PKD1L3: variants seen among roughly 807,000 people sequenced by gnomAD.
PKD1L3 encodes the protein polycystin 1 like 3, transient receptor potential channel interacting.
In PKD1L3, 239 loss-of-function variants were observed where a neutral mutation model predicts 184.1. The ratio of observed to expected loss-of-function variants is 1.30; its 90% CI spans 1.17 to 1.45. The LOEUF is 1.45. Among genes scored for constraint, PKD1L3 ranks in the 40% most tolerant of loss-of-function variants. The probability of loss-of-function intolerance (pLI) is 0.00; values close to 1 mark genes in which losing one functional copy is unlikely to be tolerated. For missense variants in PKD1L3, 2,660 were observed against 2,067.2 expected, an observed-to-expected ratio of 1.29 and a Z score of -5.56; for synonymous variants, 996 against 778.8, an observed-to-expected ratio of 1.28 and a Z score of -4.64.
intron 11 of PKD1L3, 32 bp downstream of exon 11, chr16:71,977,204 A>G: frequency 6.9e-7 from 1 of 1,447,088 alleles, no homozygotes; most frequent in East Asian, 2.5e-5. Flanking sequence ...AAAGAAATCA[A>G]AGTAAGTTTC....
intron 16 of PKD1L3, among the ~76,000 whole-genome samples, chr16:71,961,009 C>T (rs912095624): frequency 1.4e-4 from 22 of 152,136 alleles, no homozygotes; most frequent in Admixed American, 1.3e-3. Context: ...TTCCTATACA[C>T]AAGCAACACA....
chr16:71,980,212 T>C (rs1313485741), intron 7 of PKD1L3, 78 bp from the exon 8 acceptor site: 1 of 1,473,084 alleles, frequency 6.8e-7, no homozygotes, highest in South Asian at 1.3e-5. Flanking sequence ...TTGGAGAAGA[T>C]TGGAAGGGGA....
Position 71,947,349 on chromosome 16 carries a change from C to T in PKD1L3, c.3718+143G>A, listed in dbSNP as rs1193504657. 4.9e-6 allele frequency: 3 copies of T among 611,204 alleles called. No individual in the cohort carries two copies. In the Admixed American group the frequency reaches 8.1e-5, roughly 16 times the overall value. The allele number at this position is 611,204 out of a possible 1,614,324, so 37.9% of individuals were successfully genotyped here. ...AGGTGAAGATCCTCATCTGGAAGGGCATTAGTCTTGGGCAGAAAAGGAGAA... is the reference window on the plus strand; with the variant it reads ...AGGTGAAGATCCTCATCTGGAAGGGTATTAGTCTTGGGCAGAAAAGGAGAA... On this transcript the variant is annotated intron_variant, in intron 22 of 29. Transcript: ENST00000620267.
chr16:71,944,094 T>C lies in PKD1L3; in HGVS notation c.3795A>G (p.Pro1265=), dbSNP rs935084421. The C allele has an allele frequency of 1.1e-5, 17 of 1,551,880 alleles. No homozygotes were observed. In the African/African-American group the frequency reaches 1.9e-4, roughly 17 times the overall value. Residue 1265 remains proline (P), a synonymous_variant, in exon 23 of 30, where the codon CCA becomes CCG. Coordinates refer to ENST00000620267, the MANE Select transcript of PKD1L3 (RefSeq NM_181536.2). ...PVYVAPAINS[P]TKHPERTLKK... ...TCAAGGTTCTTTCTGGGTGCTTAGT[T>C]GGACTATTTATAGCTGGGGCTACAT... is the stretch of plus-strand genomic sequence containing the variant.
Position 71,935,441 on chromosome 16 carries a change from A to T in PKD1L3, c.4530T>A (p.Ile1510=). 1.3e-6 allele frequency: 2 copies of T among 1,552,068 alleles called. No individual in the cohort carries two copies. Among genetic ancestry groups the T allele is most frequent in the Non-Finnish European group, 1.7e-6 (2 of 1,147,010 alleles). Residue 1510 remains isoleucine, a synonymous_variant, in exon 26 of 30, where the codon ATT becomes ATA. Coordinates refer to ENST00000620267, the MANE Select transcript of PKD1L3 (RefSeq NM_181536.2). ...TGTCAAGCCCCAGGAGGATGAAGCT[A>T]ATGAGGATTATACTTGTGTCCAGAA... ...RNILDTSIIL[I]SFILLGLDMK...
intron 2 of PKD1L3, among the ~76,000 whole-genome samples, chr16:71,995,710 T>A (rs2040761348): frequency 6.6e-6 from 1 of 152,234 alleles, no homozygotes; most frequent in Non-Finnish European, 1.5e-5. Flanking sequence ...TACGTGTGCA[T>A]CTTTTTGTAC....
chr16:71,977,449 C>T lies in PKD1L3; in HGVS notation c.1546G>A (p.Val516Ile), dbSNP rs566554440. Reference protein sequence around the residue: ...EDIEIMLWRNVSLETHPTSLN... With the variant: ...EDIEIMLWRNISLETHPTSLN... The stretch of plus-strand genomic sequence containing the variant: ...CTGGTGGGATGGGTTTCCAAGCTAA[C>T]ATTTCTCCAGAGCATGATCTAGAAT... Residue 516 changes from valine (V) to isoleucine (I), a missense_variant, in exon 11 of 30, where the codon GTT (valine) becomes ATT (isoleucine). Physicochemically the swap from Val to Ile is conservative, Grantham distance 29 (BLOSUM62 3). Coordinates refer to ENST00000620267, the MANE Select transcript of PKD1L3 (RefSeq NM_181536.2). 3 of 1,549,386 alleles carry T rather than the reference C, an allele frequency of 1.9e-6. No homozygotes were observed. Among genetic ancestry groups the T allele is most frequent in the Admixed American group, 2.0e-5 (1 of 50,906 alleles).
intron 4 of PKD1L3, 82 bp from the exon 5 acceptor site, chr16:71,986,551 C>G: frequency 7.1e-7 from 1 of 1,413,168 alleles, no homozygotes. Context: ...CCCAAATACT[C>G]TGAAACTCTG....
At chr16:71,939,212 T>C (rs1274957365) in intron 24 of PKD1L3, among the ~76,000 whole-genome samples, 1 of 152,242 alleles carries the variant, frequency 6.6e-6, no homozygotes, top group Non-Finnish European at 1.5e-5. Flanking sequence ...CCCAACTCAC[T>C]GCAGCAGCCA....
intron 12 of PKD1L3, 21 bp from the exon 13 acceptor site, chr16:71,970,126 T>C: frequency 6.5e-7 from 1 of 1,537,966 alleles, no homozygotes; most frequent in Non-Finnish European, 8.8e-7. Context: ...AATCAAGACG[T>C]TGATTCTAGT....
chr16:71,932,100 C>A (rs1470168578), intron 28 of PKD1L3, among the ~76,000 whole-genome samples: 1 of 152,174 alleles, frequency 6.6e-6, no homozygotes, highest in Admixed American at 6.5e-5. Context: ...CAAATATTTT[C>A]ATTCTGGGAT....
In PKD1L3 at chr16:71,942,591, C is replaced by G. The variant is rs1390198474; in HGVS notation, c.4293G>C (p.Lys1431Asn). The G allele has an allele frequency of 3.2e-6, 5 of 1,551,602 alleles. No homozygotes were observed. In the South Asian group the frequency reaches 3.6e-5, roughly 11 times the overall value. Residue 1431 changes from lysine (K) to asparagine (N), a missense_variant, in exon 24 of 30, where the codon AAG (lysine) becomes AAC (asparagine). Physicochemically the swap from Lys to Asn is moderately conservative, Grantham distance 94. Transcript: ENST00000620267. ...TDELHERLTS[K>N]NENGFSYIMR... is the part of the protein sequence containing the mutation. Reference sequence around the variant, plus strand: ...TGATGTAACTGAATCCATTCTCATTCTTGCTTGTCAGCCTTTCGTGAAGCT... The same window carrying G: ...TGATGTAACTGAATCCATTCTCATTGTTGCTTGTCAGCCTTTCGTGAAGCT...
chr16:71,989,451 C>A (rs2040503839), intron 4 of PKD1L3, among the ~76,000 whole-genome samples: 1 of 152,216 alleles, frequency 6.6e-6, no homozygotes, highest in African/African-American at 2.4e-5. Flanking sequence ...CCGTGCCCAG[C>A]CTCTGTTCTT....
rs117305525 is a variant in PKD1L3, at chr16:71,956,483, G to A, written c.2613-2182C>T. ...GCTGAGATTACAGGTGTGAGCCACC[G>A]CACCCGGCCCAAAAAGGAAGGAAAT... On this transcript the variant is annotated intron_variant, in intron 16 of 29. Coordinates refer to ENST00000620267, the MANE Select transcript of PKD1L3 (RefSeq NM_181536.2). 3.6e-4 allele frequency among the ~76,000 whole-genome samples: 54 copies of A among 152,036 alleles called. 1 individual carries two copies. The East Asian group carries it at 7.7e-3, about 22-fold the overall frequency.
At position 71,999,787 on chromosome 16, in the gene PKD1L3, C is replaced by T; in HGVS notation, c.192G>A (p.Lys64=). 2 of 1,551,692 alleles carry T rather than the reference C, an allele frequency of 1.3e-6. No homozygotes were observed. The highest frequency in any genetic ancestry group is 2.4e-5 in the East Asian group (1 of 40,902). Residue 64 remains lysine, a synonymous_variant, in exon 1 of 30, where the codon AAG becomes AAA. Transcript: ENST00000620267. The part of the protein sequence containing the change: ...QRGFLAHIWN[K]EVQDLIRDYL... ...AGTCCCGGATGAGATCTTGAACTTC[C>T]TTGTTCCAAATATGAGCTAGGAATC...
intron 3 of PKD1L3, among the ~76,000 whole-genome samples, chr16:71,991,773 T>A (rs2040599821): frequency 6.6e-6 from 1 of 152,146 alleles, no homozygotes; most frequent in Non-Finnish European, 1.5e-5. Context: ...CTAAGCACAA[T>A]TAGTGAAAAG....
At chr16:71,970,910 T>C (rs1329488725) in intron 12 of PKD1L3, among the ~76,000 whole-genome samples, 2 of 152,158 alleles carry the variant, frequency 1.3e-5, no homozygotes, top group Admixed American at 6.5e-5. Context: ...CAACAAGAGA[T>C]ATGTACAGTA....
Position 71,949,940 on chromosome 16 carries a change from G to C in PKD1L3, c.3461C>G (p.Thr1154Ser). 1 of 1,551,672 alleles carries C rather than the reference G, an allele frequency of 6.4e-7. No individual in the cohort carries two copies. The highest frequency in any genetic ancestry group is 8.7e-7 in the Non-Finnish European group (1 of 1,146,996). ...PISNGLSKWL[T>S]SVCWLLLGFT... Reference sequence around the variant, plus strand: ...ACCTAAGAGGAGCCAGCAGACTGAAGTCAACCATTTGGACAGGCCATTTGA... The same window carrying C: ...ACCTAAGAGGAGCCAGCAGACTGAACTCAACCATTTGGACAGGCCATTTGA... Residue 1154 changes from threonine (T) to serine (S), a missense_variant, in exon 21 of 30, where the codon ACT (threonine) becomes AGT (serine). By Grantham distance (58) the Thr-to-Ser change is moderately conservative. Coordinates refer to ENST00000620267, the MANE Select transcript of PKD1L3 (RefSeq NM_181536.2).
intron 26 of PKD1L3, among the ~76,000 whole-genome samples, chr16:71,934,502 G>T (rs1426413229): frequency 6.6e-6 from 1 of 152,186 alleles, no homozygotes; most frequent in East Asian, 1.9e-4. Context: ...GAGCCATGCT[G>T]CTGGTCTGTT....
Sources: gnomAD v4.1 joint callset for allele counts (sites outside exome capture counted in the v4.1 genomes callset) on GRCh38, gnomAD v4.1.1 for gene constraint, MANE v1.5 for transcripts, NCBI Gene and HGNC (gene_info 2026-07-23, HGNC 2026-07-21) for gene names.